DLG1: variants seen among roughly 807,000 people sequenced by gnomAD.
DLG1 encodes the protein discs large MAGUK scaffold protein 1, also known as disks large homolog 1.
Under a neutral mutation model 123.4 loss-of-function variants are expected in DLG1, and 42 were observed. The observed-to-expected ratio is 0.34, with a 90% CI of 0.27 to 0.44. The LOEUF is 0.44. DLG1 is among the 20% of genes least tolerant of loss of function. The probability of loss-of-function intolerance (pLI) is 1.00; values close to 1 mark genes in which losing one functional copy is unlikely to be tolerated. For missense variants in DLG1, 942 were observed against 1,082.6 expected, an observed-to-expected ratio of 0.87 and a Z score of 1.82; for synonymous variants, 317 against 356.2, an observed-to-expected ratio of 0.89 and a Z score of 1.24.
intron 13 of DLG1, among the ~76,000 whole-genome samples, chr3:197,109,094 G>A (rs974980291): frequency 9.9e-5 from 15 of 152,164 alleles, no homozygotes; most frequent in African/African-American, 3.4e-4. Context: ...GTTCTAGACT[G>A]TAATCCCAGT....
chr3:197,132,109 TCTTTTTTCTTGGC>T (rs1471114278), intron 10 of DLG1, among the ~76,000 whole-genome samples: 1 of 152,170 alleles, frequency 6.6e-6, no homozygotes, highest in Non-Finnish European at 1.5e-5. Flanking sequence ...CAGCCTTCTC[TCTTTTTTCTTGGC>T]TGGTCTGAAG....
At chr3:197,208,084 A>C (rs1729513444) in intron 4 of DLG1, among the ~76,000 whole-genome samples, 1 of 139,274 alleles carries the variant, frequency 7.2e-6, no homozygotes, top group Non-Finnish European at 1.6e-5. Context: ...TCTCTAATGC[A>C]TGGAACAAGA....
At chr3:197,183,831 G>A in intron 5 of DLG1, 1 of 1,543,178 alleles carries the variant, frequency 6.5e-7, no homozygotes, top group Non-Finnish European at 8.8e-7. Flanking sequence ...GCAGGTGGTT[G>A]CCAAGCAGGC....
At chr3:197,296,254 T>C (rs1777306072) in intron 3 of DLG1, 92 bp downstream of exon 3, 1 of 1,268,548 alleles carries the variant, frequency 7.9e-7, no homozygotes, top group African/African-American at 1.5e-5. Flanking sequence ...CCTCAGAGAA[T>C]TAAGTACATC....
intron 5 of DLG1, among the ~76,000 whole-genome samples, chr3:197,179,851 AT>A (rs1327618102): frequency 2.0e-5 from 3 of 152,100 alleles, no homozygotes; most frequent in East Asian, 3.9e-4. Context: ...TAGCCTAAAT[AT>A]TTTTCCACAC....
chr3:197,061,320 T>C lies in DLG1; in HGVS notation c.2374-1322A>G, dbSNP rs1292219593. On this transcript the variant is annotated intron_variant, in intron 22 of 24. Transcript: ENST00000667157. ...ATTTTAATAACTTGATACTGAAATA[T>C]TAATATTCTAGGTTTGCTTTAACTC... 2.6e-5 allele frequency among the ~76,000 whole-genome samples: 4 copies of C among 152,246 alleles called. 1 individual carries two copies. Among genetic ancestry groups the C allele is most frequent in the Non-Finnish European group, 5.9e-5 (4 of 68,044 alleles).
At chr3:197,053,513 T>C (rs1226207156) in intron 23 of DLG1, among the ~76,000 whole-genome samples, 1 of 152,158 alleles carries the variant, frequency 6.6e-6, no homozygotes, top group Non-Finnish European at 1.5e-5. Context: ...GGCTCAAGCC[T>C]GTAATCCCAG....
chr3:197,143,469 G>A (rs899670003), intron 6 of DLG1, among the ~76,000 whole-genome samples: 2 of 152,068 alleles, frequency 1.3e-5, no homozygotes, highest in Admixed American at 1.3e-4. Context: ...TGTTAGCCAG[G>A]ATGGTCTCGA....
At chr3:197,127,612 T>C (rs1156346045) in intron 11 of DLG1, among the ~76,000 whole-genome samples, 1 of 150,040 alleles carries the variant, frequency 6.7e-6, no homozygotes, top group Non-Finnish European at 1.5e-5. Flanking sequence ...ATAAATAGTA[T>C]CTCTCCTCAT....
At chr3:197,266,799 A>C (rs1335559214) in intron 4 of DLG1, among the ~76,000 whole-genome samples, 2 of 152,216 alleles carry the variant, frequency 1.3e-5, no homozygotes, top group African/African-American at 2.4e-5. Flanking sequence ...GACTGAAAAA[A>C]GATTAATCAT....
intron 5 of DLG1, among the ~76,000 whole-genome samples, chr3:197,156,334 G>T (rs1485088148): frequency 6.6e-6 from 1 of 152,042 alleles, no homozygotes; most frequent in Non-Finnish European, 1.5e-5. Flanking sequence ...AAAGTTAAAT[G>T]TTTCACTACA....
At chr3:197,156,896 A>C (rs767793003) in intron 5 of DLG1, among the ~76,000 whole-genome samples, 24 of 152,252 alleles carry the variant, frequency 1.6e-4, no homozygotes, top group Non-Finnish European at 8.8e-5. Context: ...ACAACCAGAC[A>C]TATGATAAGT....
At chr3:197,226,420 T>C (rs10461048) in intron 4 of DLG1, 1 of 152,072 alleles carries the variant, frequency 6.6e-6, no homozygotes, top group Non-Finnish European at 1.5e-5. Context: ...GGGGCAAAGA[T>C]GTTGCAGCAA....
chr3:197,218,526 C>T (rs1735216911), intron 4 of DLG1, among the ~76,000 whole-genome samples: 1 of 152,212 alleles, frequency 6.6e-6, no homozygotes, highest in South Asian at 2.1e-4. Flanking sequence ...AAAACACAGT[C>T]AACTGCTTCA....
intron 4 of DLG1, among the ~76,000 whole-genome samples, chr3:197,232,706 G>A (rs941861652): frequency 2.7e-5 from 4 of 150,714 alleles, no homozygotes; most frequent in African/African-American, 7.3e-5. Flanking sequence ...AAGGCTACAT[G>A]ATATGCAACG....
At position 197,043,000 on chromosome 3, in the gene DLG1, T is replaced by C. The variant is rs1721069202; in HGVS notation, c.*1623A>G. ...GGAATGGATAATGTTGATAATTCTT[T>C]ACAAACCAGTACTCATTTAAGAAAC... is the stretch of plus-strand genomic sequence containing the variant. On this transcript the variant is annotated 3_prime_UTR_variant, in exon 25 of 25. Coordinates refer to ENST00000667157, the MANE Select transcript of DLG1 (RefSeq NM_001366207.1). 6.6e-6 allele frequency: 1 copy of C among 152,252 alleles called. No individual in the cohort carries two copies. Among genetic ancestry groups the C allele is most frequent in the Admixed American group, 6.5e-5 (1 of 15,282 alleles). 9.4% of individuals were successfully genotyped at this position (152,252 alleles called of 1,614,324 possible).
chr3:197,207,001 T>C (rs1200788935), intron 4 of DLG1, among the ~76,000 whole-genome samples: 1 of 152,220 alleles, frequency 6.6e-6, no homozygotes. Context: ...CCTGTTTTTG[T>C]AATGAAGTTG....
chr3:197,085,247 C>T (rs1218208310), intron 16 of DLG1: 3 of 249,916 alleles, frequency 1.2e-5, no homozygotes, highest in Admixed American at 5.2e-5. Flanking sequence ...GACCGACCCT[C>T]TTAACAAATT....
intron 15 of DLG1, among the ~76,000 whole-genome samples, chr3:197,087,297 T>C (rs1008354136): frequency 6.6e-6 from 1 of 152,152 alleles, no homozygotes; most frequent in Non-Finnish European, 1.5e-5. Flanking sequence ...TTCAGAGCTT[T>C]ATAAAGAGGT....
Sources: gnomAD v4.1 joint callset for allele counts (sites outside exome capture counted in the v4.1 genomes callset) on GRCh38, gnomAD v4.1.1 for gene constraint, MANE v1.5 for transcripts, NCBI Gene and HGNC (gene_info 2026-07-23, HGNC 2026-07-21) for gene names.